The following GPRC6A variants were observed in gnomAD, a reference collection of about 807,000 sequenced individuals.
GPRC6A encodes G protein-coupled receptor family C group 6 member A.
Under a neutral mutation model 47.0 loss-of-function variants are expected in GPRC6A, and 54 were observed. That is an observed-to-expected ratio of 1.15 (90% CI 0.92 to 1.44). The LOEUF (loss-of-function observed/expected upper bound fraction) is 1.44, where lower values mean the gene tolerates loss of function less well. Among genes scored for constraint, GPRC6A ranks in the 40% most tolerant of loss-of-function variants. The pLI is 0.00. For missense variants in GPRC6A, 1,112 were observed against 1,105.5 expected, an observed-to-expected ratio of 1.01 and a Z score of -0.08; for synonymous variants, 347 against 377.1, an observed-to-expected ratio of 0.92 and a Z score of 0.93.
Position 116,813,647 on chromosome 6 carries a change from T to A in GPRC6A, c.195-4030A>T, listed in dbSNP as rs546203163. Among the ~76,000 whole-genome samples, 9 of 152,198 alleles carry A rather than the reference T, an allele frequency of 5.9e-5. No individual in the cohort carries two copies. In the East Asian group the frequency reaches 1.7e-3, roughly 29 times the overall value. Reference sequence around the variant, plus strand: ...GACTTAAATGTTATACCTAAAACCATAAAAACCCTAGAAGAAAACCTAGGC... The same window carrying A: ...GACTTAAATGTTATACCTAAAACCAAAAAAACCCTAGAAGAAAACCTAGGC... On this transcript the variant is annotated intron_variant, in intron 1 of 5. Transcript: ENST00000310357.
intron 2 of GPRC6A, among the ~76,000 whole-genome samples, chr6:116,808,041 G>A (rs1481653736): frequency 1.3e-5 from 2 of 151,378 alleles, no homozygotes; most frequent in African/African-American, 4.9e-5. Context: ...TGGTGTGATG[G>A]AAAGACAATA....
At chr6:116,820,320 T>A (rs1330535477) in intron 1 of GPRC6A, among the ~76,000 whole-genome samples, 1 of 152,102 alleles carries the variant, frequency 6.6e-6, no homozygotes, top group African/African-American at 2.4e-5. Flanking sequence ...ACTATTCCGA[T>A]CAATAGAAAA....
At chr6:116,809,766 T>C (rs1772968131) in intron 1 of GPRC6A, 149 bp from the exon 2 acceptor site, 1 of 583,040 alleles carries the variant, frequency 1.7e-6, no homozygotes, top group South Asian at 2.4e-5. Flanking sequence ...AAAACAATTT[T>C]TCATGATAAT....
chr6:116,792,654 C>T lies in GPRC6A; in HGVS notation c.2269G>A (p.Gly757Ser). ...ATGAAGGCCAGGATGGCAATGTAGC[C>T]CAGCATGGTGCCAAATGCAAGTATG... is the stretch of plus-strand genomic sequence containing the variant. The part of the protein sequence containing the change: ...GSILAFGTML[G>S]YIAILAFICF... The change falls in exon 6 of 6, where the codon GGC becomes AGC. Residue 757 changes from glycine (G) to serine (S), a missense_variant. Gly to Ser is a moderately conservative substitution (Grantham distance 56). Coordinates refer to ENST00000310357, the MANE Select transcript of GPRC6A (RefSeq NM_148963.4). 6.2e-7 allele frequency: 1 copy of T among 1,613,464 alleles called. No homozygotes were observed.
chr6:116,817,911 T>C (rs1021966705), intron 1 of GPRC6A, among the ~76,000 whole-genome samples: 3 of 151,860 alleles, frequency 2.0e-5, no homozygotes, highest in African/African-American at 4.8e-5. Context: ...CTGATTGGTG[T>C]ACCTGAAAGT....
intron 1 of GPRC6A, among the ~76,000 whole-genome samples, chr6:116,817,331 C>A (rs1016336861): frequency 1.3e-5 from 2 of 152,080 alleles, no homozygotes; most frequent in African/African-American, 2.4e-5. Flanking sequence ...AGGGTCCTGT[C>A]TGTTAGAAGG....
chr6:116,793,139 A>G lies in GPRC6A; in HGVS notation c.1784T>C (p.Ile595Thr), dbSNP rs756466193. 3 of 1,613,780 alleles carry G rather than the reference A, an allele frequency of 1.9e-6. No individual in the cohort carries two copies. In the South Asian group the frequency reaches 3.3e-5, roughly 18 times the overall value. ...EYLNWNDSLAILLLILSLLGI... is the reference protein window; with the variant it reads ...EYLNWNDSLATLLLILSLLGI... ...CAGTAGGGAGAGAATCAGGAGTAGG[A>G]TGGCCAAGGAGTCATTCCAGTTGAG... Residue 595 changes from isoleucine to threonine, a missense_variant, in exon 6 of 6, where the codon ATC (isoleucine) becomes ACC (threonine). Transcript: ENST00000310357.
chr6:116,817,768 AG>A (rs1773279952), intron 1 of GPRC6A, among the ~76,000 whole-genome samples: 1 of 152,198 alleles, frequency 6.6e-6, no homozygotes, highest in Admixed American at 6.5e-5. Flanking sequence ...ATCAACTGGA[AG>A]AAAGGGTATC....
At chr6:116,807,341 C>T (rs1772882675) in intron 2 of GPRC6A, 135 bp from the exon 3 acceptor site, 1 of 630,092 alleles carries the variant, frequency 1.6e-6, no homozygotes, top group Non-Finnish European at 2.8e-6. Context: ...CATCCTTCTC[C>T]TTACTTAGCC....
At chr6:116,800,196 C>T (rs1772614821) in intron 4 of GPRC6A, among the ~76,000 whole-genome samples, 1 of 147,894 alleles carries the variant, frequency 6.8e-6, no homozygotes, top group Non-Finnish European at 1.5e-5. Context: ...CCTCCCCTCC[C>T]TCCCTCTCTC....
intron 1 of GPRC6A, among the ~76,000 whole-genome samples, chr6:116,828,419 T>C (rs1239733486): frequency 6.6e-6 from 1 of 152,094 alleles, no homozygotes; most frequent in Non-Finnish European, 1.5e-5. Flanking sequence ...AAAATTCAAC[T>C]ATAGTCTATT....
chr6:116,813,869 G>C (rs759082176), intron 1 of GPRC6A, among the ~76,000 whole-genome samples: 3 of 151,978 alleles, frequency 2.0e-5, no homozygotes, highest in Admixed American at 6.6e-5. Flanking sequence ...CCTGAGAAAG[G>C]GCTAATATCT....
intron 3 of GPRC6A, among the ~76,000 whole-genome samples, chr6:116,803,632 C>G (rs928698282): frequency 6.6e-6 from 1 of 152,210 alleles, no homozygotes; most frequent in East Asian, 1.9e-4. Flanking sequence ...CTTTCACTCA[C>G]TCATTCAGTT....
chr6:116,815,886 A>T (rs1478809008), intron 1 of GPRC6A, among the ~76,000 whole-genome samples: 1 of 152,196 alleles, frequency 6.6e-6, no homozygotes, highest in Non-Finnish European at 1.5e-5. Flanking sequence ...GAGATTGGGT[A>T]ATTTGTAAAG....
chr6:116,806,233 A>G (rs542001374), intron 3 of GPRC6A, 137 bp downstream of exon 3: 1 of 624,930 alleles, frequency 1.6e-6, no homozygotes, highest in Non-Finnish European at 2.9e-6. Context: ...AATGCTGGTT[A>G]TTTAAACACT....
At chr6:116,793,999 G>A (rs540370760) in intron 5 of GPRC6A, among the ~76,000 whole-genome samples, 1 of 152,308 alleles carries the variant, frequency 6.6e-6, no homozygotes, top group South Asian at 2.1e-4. Flanking sequence ...CACTGTAAGT[G>A]TTAACTTTGA....
At chr6:116,798,416 G>A (rs763435307) in intron 4 of GPRC6A, among the ~76,000 whole-genome samples, 10 of 152,136 alleles carry the variant, frequency 6.6e-5, no homozygotes, top group African/African-American at 9.7e-5. Context: ...CTGTGGGATC[G>A]CAGGAGGGCT....
intron 1 of GPRC6A, among the ~76,000 whole-genome samples, chr6:116,820,591 G>C (rs1479785799): frequency 6.7e-6 from 1 of 148,514 alleles, no homozygotes; most frequent in Non-Finnish European, 1.5e-5. Context: ...CATATAAACA[G>C]AGCCAAAGAC....
rs749087006 is a variant in GPRC6A at position 116,792,390 on chromosome 6, T to G, written c.2533A>C (p.Thr845Pro). The change falls in exon 6 of 6, where the codon ACA (threonine) becomes CCA (proline). Residue 845 changes from threonine (T) to proline (P), a missense_variant. Thr to Pro is a conservative substitution (Grantham distance 38, BLOSUM62 -1). Coordinates refer to ENST00000310357, the MANE Select transcript of GPRC6A (RefSeq NM_148963.4). ...ATCATCTTGAGAAAGGCAGACTTTG[T>G]GTTAATCTCTTGCTTACAAATAATA... ...YVIICKQEIN[T>P]KSAFLKMIYS... 6.2e-7 allele frequency: 1 copy of G among 1,614,112 alleles called. No homozygotes were observed. Among genetic ancestry groups the G allele is most frequent in the Non-Finnish European group, 8.5e-7 (1 of 1,179,964 alleles).
Sources: gnomAD v4.1 joint callset for allele counts (sites outside exome capture counted in the v4.1 genomes callset) on GRCh38, gnomAD v4.1.1 for gene constraint, MANE v1.5 for transcripts, NCBI Gene and HGNC (gene_info 2026-07-23, HGNC 2026-07-21) for gene names.